MORN5: variants seen among roughly 807,000 people sequenced by gnomAD.
MORN5 encodes MORN repeat-containing protein 5.
In MORN5, 21 loss-of-function variants were observed where a neutral mutation model predicts 22.1. The ratio of observed to expected loss-of-function variants is 0.95; its 90% CI spans 0.67 to 1.37. MORN5 has a LOEUF of 1.37. Ranked by LOEUF, MORN5 falls within the 40% of genes most tolerant of loss-of-function variation. The pLI is 0.00. For synonymous variants in MORN5, 73 were observed against 74.0 expected (o/e 0.99, Z 0.07); for missense variants, 211 against 215.1 (o/e 0.98, Z 0.12).
At chr9:122,173,530 G>A (rs1351317734) in intron 3 of MORN5, among the ~76,000 whole-genome samples, 2 of 152,154 alleles carry the variant, frequency 1.3e-5, no homozygotes, top group Non-Finnish European at 2.9e-5. Context: ...CTGAGTTGTG[G>A]GCATGGTGCT....
intron 2 of MORN5, among the ~76,000 whole-genome samples, chr9:122,167,151 G>A (rs1888217): frequency 0.38 from 55,982 of 146,216 alleles, 12,753 homozygotes; most frequent in Non-Finnish European, 0.52. Context: ...GGGTTCAAGC[G>A]AGTCTCCTGC....
chr9:122,189,612 C>CT (rs1829714470), intron 4 of MORN5, among the ~76,000 whole-genome samples: 1 of 151,644 alleles, frequency 6.6e-6, no homozygotes, highest in Non-Finnish European at 1.5e-5. Context: ...AATTTTTTTT[C>CT]TTTTTTTATT....
At chr9:122,175,422 A>G (rs1829435649) in intron 4 of MORN5, 1 of 976,652 alleles carries the variant, frequency 1.0e-6, no homozygotes, top group South Asian at 4.7e-5. Context: ...AGAAGAACCC[A>G]TTTACAGTGA....
At chr9:122,169,783 A>G (rs1198289485) in intron 3 of MORN5, 27 bp downstream of exon 3, 2 of 1,424,248 alleles carry the variant, frequency 1.4e-6, no homozygotes, top group South Asian at 2.3e-5. Flanking sequence ...CCTTTCCTTC[A>G]TACCCAAACT....
At chr9:122,174,312 T>C (rs1374275228) in intron 3 of MORN5, among the ~76,000 whole-genome samples, 184 bp from the exon 4 acceptor site, 2 of 152,204 alleles carry the variant, frequency 1.3e-5, no homozygotes, top group African/African-American at 4.8e-5. Context: ...AAGAGCCATG[T>C]TCAGAAAGTT....
chr9:122,177,569 A>T (rs1308382728), intron 4 of MORN5, among the ~76,000 whole-genome samples: 1 of 152,162 alleles, frequency 6.6e-6, no homozygotes, highest in Non-Finnish European at 1.5e-5. Flanking sequence ...AGTAGCTGGG[A>T]TTACAGGCAC....
rs141259288 is a variant in MORN5 at position 122,166,639 on chromosome 9, T to C, written c.48-129T>C. On this transcript the variant is annotated intron_variant, in intron 1 of 4. Transcript: ENST00000373764. ...GGGAAACAAAACAAAAATTTTGTTT[T>C]CAGCAGAGTACTGCTGGGATGAGAA... 90 of 846,076 alleles carry C rather than the reference T, an allele frequency of 1.1e-4. No individual in the cohort carries two copies. The African/African-American group carries it at 1.4e-3, about 13-fold the overall frequency. 52.4% of individuals were successfully genotyped at this position (846,076 alleles called of 1,614,324 possible).
chr9:122,186,153 A>G (rs1233942207), intron 4 of MORN5, among the ~76,000 whole-genome samples: 1 of 152,222 alleles, frequency 6.6e-6, no homozygotes, highest in Middle Eastern at 3.2e-3. Flanking sequence ...AAGGGGTAGG[A>G]AAGAAAGTTA....
At position 122,176,555 on chromosome 9, in the gene MORN5, G is replaced by A. The variant is rs544018638; in HGVS notation, c.439+1928G>A. Among the ~76,000 whole-genome samples, 16 of 152,256 alleles carry A rather than the reference G, an allele frequency of 1.1e-4. No individual in the cohort carries two copies. The South Asian group carries it at 1.7e-3, about 16-fold the overall frequency. On this transcript the variant is annotated intron_variant, in intron 4 of 4. Transcript: ENST00000373764. ...GGATCCGTGTGAGAAGGAACTCTGC[G>A]TTATCTTGTATCAGTAAGTGTTCAG...
At chr9:122,176,402 T>G (rs1216935035) in intron 4 of MORN5, among the ~76,000 whole-genome samples, 1 of 152,218 alleles carries the variant, frequency 6.6e-6, no homozygotes, top group Non-Finnish European at 1.5e-5. Flanking sequence ...TAACCAGGCT[T>G]ATTTACTGCA....
intron 4 of MORN5, among the ~76,000 whole-genome samples, chr9:122,178,461 C>T (rs987236015): frequency 2.0e-5 from 3 of 152,284 alleles, no homozygotes; most frequent in Non-Finnish European, 4.4e-5. Flanking sequence ...GCACTCCAGC[C>T]TGGGTGATAC....
At position 122,174,584 on chromosome 9, in the gene MORN5, G is replaced by T; in HGVS notation, c.396G>T (p.Thr132=). The change falls in exon 4 of 5, where the codon ACG becomes ACT. Residue 132 remains threonine, a synonymous_variant. Coordinates refer to ENST00000373764, the MANE Select transcript of MORN5 (RefSeq NM_198469.4). ...GAGACGGCTTCTATAACCCAGTCAC[G>T]AGGGTAGTCAAGGACTATAGGAACC... ...DCGDGFYNPV[T]RVVKDYRNRF... is the part of the protein sequence containing the mutation. The T allele has an allele frequency of 6.2e-7, 1 of 1,614,114 alleles. No homozygotes were observed. Among genetic ancestry groups the T allele is most frequent in the South Asian group, 1.1e-5 (1 of 91,066 alleles).
At chr9:122,172,302 G>A (rs1443361238) in intron 3 of MORN5, among the ~76,000 whole-genome samples, 3 of 110,860 alleles carry the variant, frequency 2.7e-5, no homozygotes, top group Non-Finnish European at 3.7e-5. Flanking sequence ...CCTCCCTCCC[G>A]CCCCGCCCCT....
In MORN5 at chr9:122,199,952, G is replaced by A. The variant is rs1330572022; in HGVS notation, c.*21G>A. 21 of 1,613,556 alleles carry A rather than the reference G, an allele frequency of 1.3e-5. No homozygotes were observed. Among genetic ancestry groups the A allele is most frequent in the Non-Finnish European group, 1.8e-5 (21 of 1,179,656 alleles). On this transcript the variant is annotated 3_prime_UTR_variant, in exon 5 of 5. Coordinates refer to ENST00000373764, the MANE Select transcript of MORN5 (RefSeq NM_198469.4). ...GCTAGGATGAGATCGTGGGTCACAGGCCCGAGCCGTGAACTCTGTGGCTGC... is the reference window on the plus strand; with the variant it reads ...GCTAGGATGAGATCGTGGGTCACAGACCCGAGCCGTGAACTCTGTGGCTGC...
chr9:122,169,618 T>C, intron 2 of MORN5, 27 bp from the exon 3 acceptor site: 1 of 1,534,324 alleles, frequency 6.5e-7, no homozygotes. Context: ...CTTCCTCAGA[T>C]GCACGTGTGT....
At chr9:122,194,419 G>A (rs1829840194) in intron 4 of MORN5, among the ~76,000 whole-genome samples, 1 of 152,168 alleles carries the variant, frequency 6.6e-6, no homozygotes, top group Non-Finnish European at 1.5e-5. Flanking sequence ...ACATATGCAG[G>A]GAGTGGCTTA....
intron 4 of MORN5, among the ~76,000 whole-genome samples, chr9:122,180,120 C>T (rs1829514329): frequency 6.6e-6 from 1 of 152,152 alleles, no homozygotes; most frequent in Non-Finnish European, 1.5e-5. Flanking sequence ...TACTGTGTGC[C>T]AGGCTTTGGG....
In MORN5 at chr9:122,166,808, A is replaced by G. The variant is rs1829291849; in HGVS notation, c.88A>G (p.Ile30Val). Residue 30 changes from isoleucine to valine, a missense_variant, in exon 2 of 5, where the codon ATA becomes GTA. Ile to Val is a conservative substitution (Grantham distance 29). Transcript: ENST00000373764. Reference protein sequence around the residue: ...KAKYILPTETIYVGEMKDGMF... With the variant: ...KAKYILPTETVYVGEMKDGMF... Reference sequence around the variant, plus strand: ...CAAGTACATCCTCCCTACCGAAACAATATATGTTGGGGAAATGAAGGATGG... The same window carrying G: ...CAAGTACATCCTCCCTACCGAAACAGTATATGTTGGGGAAATGAAGGATGG... 1 of 1,613,844 alleles carries G rather than the reference A, an allele frequency of 6.2e-7. No homozygotes were observed. The highest frequency in any genetic ancestry group is 8.5e-7 in the Non-Finnish European group (1 of 1,179,878).
chr9:122,177,213 T>G (rs932018731), intron 4 of MORN5, among the ~76,000 whole-genome samples: 2 of 152,184 alleles, frequency 1.3e-5, no homozygotes, highest in Non-Finnish European at 2.9e-5. Flanking sequence ...ATGAAGCTGA[T>G]TCTAGGAGTG....
Sources: allele counts gnomAD v4.1 joint callset (sites outside exome capture counted in the v4.1 genomes callset), GRCh38; gene constraint gnomAD v4.1.1; transcripts MANE v1.5; gene names NCBI Gene and HGNC (gene_info 2026-07-23, HGNC 2026-07-21).